The following SIRPB1 variants were observed in gnomAD, a reference collection of about 807,000 sequenced individuals.
SIRPB1 encodes the protein signal regulatory protein beta 1.
In SIRPB1, 28 loss-of-function variants were observed where a neutral mutation model predicts 34.1. The ratio of observed to expected loss-of-function variants is 0.82; its 90% CI spans 0.61 to 1.12. The LOEUF is 1.12. Among genes scored for constraint, SIRPB1 ranks in the 50% most tolerant of loss-of-function variants. The pLI is 0.00. For synonymous variants in SIRPB1, 211 were observed against 203.8 expected (o/e 1.04, Z -0.30); for missense variants, 499 against 507.0 (o/e 0.98, Z 0.15).
In SIRPB1 at chr20:1,611,224, G is replaced by A. The variant is rs201274053; in HGVS notation, c.76+8645C>T. 4.2e-5 allele frequency: 17 copies of A among 408,278 alleles called. 5 individuals carry two copies. Among genetic ancestry groups the A allele is most frequent in the African/African-American group, 3.1e-4 (5 of 15,910 alleles). The allele number at this position is 408,278 out of a possible 1,614,324, so 25.3% of individuals were successfully genotyped here. The stretch of plus-strand genomic sequence containing the variant: ...GCCTCAACTCATGTGATCTGGAGAA[G>A]GGGTGACATCAGTTCATGAAAGGGT... On this transcript the variant is annotated intron_variant, in intron 1 of 5. Transcript: ENST00000381605.
rs543767110 is a variant in SIRPB1, at chr20:1,616,381, G to T, written c.76+3488C>A. 5.3e-5 allele frequency among the ~76,000 whole-genome samples: 8 copies of T among 152,276 alleles called. No homozygotes were observed. The South Asian group carries it at 1.7e-3, about 32-fold the overall frequency. Reference sequence around the variant, plus strand: ...AATAGACACATAGACAAATGGATCAGACCAGAGAGCCCAGATATAAACGCA... The same window carrying T: ...AATAGACACATAGACAAATGGATCATACCAGAGAGCCCAGATATAAACGCA... On this transcript the variant is annotated intron_variant, in intron 1 of 5. Transcript: ENST00000381605.
rs1444845357 is a variant in SIRPB1 at position 1,564,040 on chromosome 20, T to C, written c.*1460A>G. ...TTACAAAGAAACAGCACTTGAACTCTCAATGTTTCTAATGCTTTGAATTGT... is the reference window on the plus strand; with the variant it reads ...TTACAAAGAAACAGCACTTGAACTCCCAATGTTTCTAATGCTTTGAATTGT... On this transcript the variant is annotated 3_prime_UTR_variant, in exon 6 of 6. Transcript: ENST00000381605. The C allele has an allele frequency of 6.6e-6, 1 of 152,256 alleles. No homozygotes were observed. The highest frequency in any genetic ancestry group is 2.4e-5 in the African/African-American group (1 of 41,470). The allele number at this position is 152,256 out of a possible 1,614,324, so 9.4% of individuals were successfully genotyped here.
chr20:1,615,523 C>T (rs1308753342), intron 1 of SIRPB1, among the ~76,000 whole-genome samples: 1 of 152,212 alleles, frequency 6.6e-6, no homozygotes. Context: ...GAGCTGCACA[C>T]CTTTCTGTTA....
chr20:1,598,726 C>A, intron 1 of SIRPB1: 1 of 242,418 alleles, frequency 4.1e-6, no homozygotes, highest in South Asian at 4.6e-5. Context: ...CTAAACTCCA[C>A]TGACCCTGAT....
chr20:1,566,717 C>T (rs1023796439), intron 4 of SIRPB1, among the ~76,000 whole-genome samples: 2 of 152,196 alleles, frequency 1.3e-5, no homozygotes, highest in African/African-American at 4.8e-5. Flanking sequence ...AAGTCCAACA[C>T]TCCAGGATCA....
At chr20:1,572,706 G>A (rs2091260804) in intron 2 of SIRPB1, among the ~76,000 whole-genome samples, 1 of 151,622 alleles carries the variant, frequency 6.6e-6, no homozygotes, top group Non-Finnish European at 1.5e-5. Context: ...ATAAAAATAT[G>A]AAACATTCCG....
In SIRPB1 at chr20:1,561,882, G is replaced by T. The variant is rs1324749152; in HGVS notation, c.*3618C>A. Among the ~76,000 whole-genome samples, 1 of 152,144 alleles carries T rather than the reference G, an allele frequency of 6.6e-6. No individual in the cohort carries two copies. Among genetic ancestry groups the T allele is most frequent in the Non-Finnish European group, 1.5e-5 (1 of 68,020 alleles). ...GTGCACAGCCCACACTTCAGGAGTG[G>T]AAGTTATGTTCCACCTCCTTTAGAG... On this transcript the variant is annotated 3_prime_UTR_variant, in exon 6 of 6. Coordinates refer to ENST00000381605, the MANE Select transcript of SIRPB1 (RefSeq NM_006065.5).
At chr20:1,568,293 C>T (rs114682840) in intron 4 of SIRPB1, among the ~76,000 whole-genome samples, 2 of 152,200 alleles carry the variant, frequency 1.3e-5, no homozygotes, top group African/African-American at 4.8e-5. Flanking sequence ...AGGGCACAGT[C>T]TCTCACTAGG....
At chr20:1,616,706 A>T (rs2091635330) in intron 1 of SIRPB1, among the ~76,000 whole-genome samples, 1 of 152,238 alleles carries the variant, frequency 6.6e-6, no homozygotes, top group Non-Finnish European at 1.5e-5. Context: ...ACGGCATTAC[A>T]ACAAACTAAA....
chr20:1,604,354 C>G (rs1568700120), intron 1 of SIRPB1, among the ~76,000 whole-genome samples: 1 of 47,668 alleles, frequency 2.1e-5, no homozygotes, highest in South Asian at 7.3e-4. Context: ...ACTGGTAGCT[C>G]CTACTAGGCT....
At position 1,588,393 on chromosome 20, in the gene SIRPB1, C is replaced by T. The variant is rs1600136382; in HGVS notation, c.77-9699G>A. Among the ~76,000 whole-genome samples the T allele has an allele frequency of 1.2e-4, 6 of 49,362 alleles. 2 individuals are homozygous for T. Among genetic ancestry groups the T allele is most frequent in the Admixed American group, 8.0e-4 (6 of 7,488 alleles). The allele number at this position is 49,362 out of a possible 152,430, so 32.4% of individuals were successfully genotyped here. ...GTGACTTGATGCCTCTGGTAGCCAG[C>T]TGCTGATCCACAGAGAAAGTGCTCA... On this transcript the variant is annotated intron_variant, in intron 1 of 5. Coordinates refer to ENST00000381605, the MANE Select transcript of SIRPB1 (RefSeq NM_006065.5).
intron 4 of SIRPB1, among the ~76,000 whole-genome samples, chr20:1,568,745 A>G (rs966671640): frequency 6.6e-5 from 10 of 152,164 alleles, no homozygotes; most frequent in African/African-American, 2.4e-4. Context: ...ATAAATATAA[A>G]TCCCGCACTT....
rs28694393 is a variant in SIRPB1 at position 1,571,856 on chromosome 20, G to A, written c.615C>T (p.Ser205=). 4.3e-6 allele frequency: 7 copies of A among 1,614,210 alleles called. No individual in the cohort carries two copies. The highest frequency in any genetic ancestry group is 5.9e-6 in the Non-Finnish European group (7 of 1,180,026). The change falls in exon 3 of 6, where the codon TCC becomes TCT. Residue 205 remains serine, a synonymous_variant. Transcript: ENST00000381605. ...TNVDPAGDSV[S]YSIHSTARVV... ...CCCTGGCTGTGCTGTGGATGCTGTA[G>A]GACACACTGTCTCCTGCGGGGTCCA...
chr20:1,570,569 G>A (rs1166215936), intron 4 of SIRPB1: 1 of 419,064 alleles, frequency 2.4e-6, no homozygotes, highest in Non-Finnish European at 4.2e-6. Flanking sequence ...ATCAAGTTGT[G>A]CATCAGACTT....
intron 1 of SIRPB1, among the ~76,000 whole-genome samples, chr20:1,617,557 G>A (rs964719930): frequency 1.3e-5 from 2 of 152,140 alleles, no homozygotes; most frequent in East Asian, 1.9e-4. Flanking sequence ...GAGAGATATT[G>A]GTCAAAGGAT....
chr20:1,569,771 T>C (rs1465991611), intron 4 of SIRPB1, among the ~76,000 whole-genome samples: 1 of 152,238 alleles, frequency 6.6e-6, no homozygotes, highest in Non-Finnish European at 1.5e-5. Flanking sequence ...CTTTAATGGC[T>C]TCTATGCTGG....
intron 1 of SIRPB1, chr20:1,604,944 C>T (rs762231026): frequency 1.6e-6 from 1 of 609,884 alleles, no homozygotes. Flanking sequence ...CATTTTTGAA[C>T]CATTTCAGGG....
intron 1 of SIRPB1, among the ~76,000 whole-genome samples, chr20:1,614,807 G>T (rs2091606845): frequency 6.6e-6 from 1 of 152,036 alleles, no homozygotes; most frequent in African/African-American, 2.4e-5. Flanking sequence ...GAATGCCTTT[G>T]ACTCATGACT....
At chr20:1,594,623 T>C (rs1364128246) in intron 1 of SIRPB1, among the ~76,000 whole-genome samples, 1 of 47,986 alleles carries the variant, frequency 2.1e-5, no homozygotes, top group Admixed American at 1.4e-4. Flanking sequence ...AGACTAAAGA[T>C]TAGGCCTGTG....
Sources: allele counts gnomAD v4.1 joint callset (sites outside exome capture counted in the v4.1 genomes callset), GRCh38; gene constraint gnomAD v4.1.1; transcripts MANE v1.5; gene names NCBI Gene and HGNC (gene_info 2026-07-23, HGNC 2026-07-21).